Variants in RGS7 observed in about 807,000 individuals in gnomAD.
The protein encoded by RGS7 is regulator of G-protein signaling 7.
Under a neutral mutation model 81.1 loss-of-function variants are expected in RGS7, and 27 were observed. The ratio of observed to expected loss-of-function variants is 0.33; its 90% confidence interval spans 0.25 to 0.46. The LOEUF (loss-of-function observed/expected upper bound fraction) is 0.46, where lower values mean the gene tolerates loss of function less well. Ranked by LOEUF, RGS7 falls within the 20% of genes least tolerant of loss-of-function variation. The probability of loss-of-function intolerance (pLI) is 1.00; values close to 1 mark genes in which losing one functional copy is unlikely to be tolerated. For synonymous variants in RGS7, 208 were observed against 207.7 expected, an observed-to-expected ratio of 1.00 and a Z score of -0.01; for missense variants, 396 against 607.4, an observed-to-expected ratio of 0.65 and a Z score of 3.66.
intron 2 of RGS7, among the ~76,000 whole-genome samples, chr1:241,344,851 G>A (rs937384099): frequency 6.6e-6 from 1 of 152,218 alleles, no homozygotes; most frequent in Non-Finnish European, 1.5e-5. Flanking sequence ...AAGTGTCAGA[G>A]GCTGTTAAAC....
intron 3 of RGS7, among the ~76,000 whole-genome samples, chr1:241,008,546 C>T (rs1452339815): frequency 2.0e-5 from 3 of 152,116 alleles, no homozygotes; most frequent in Non-Finnish European, 4.4e-5. Context: ...CTCAATGGGG[C>T]TTCTGTGTTT....
chr1:240,813,802 A>T (rs111909717), intron 12 of RGS7, 74 bp from the exon 13 acceptor site: 2 of 935,142 alleles, frequency 2.1e-6, no homozygotes, highest in East Asian at 5.1e-5. Context: ...CAGGGAAAAC[A>T]ATATAAAAAT....
At chr1:241,225,282 A>G (rs1573224116) in intron 2 of RGS7, among the ~76,000 whole-genome samples, 2 of 152,178 alleles carry the variant, frequency 1.3e-5, no homozygotes, top group African/African-American at 2.4e-5. Flanking sequence ...ATATCTCTGT[A>G]ATGAAAGGAA....
chr1:241,334,925 T>C (rs138694912), intron 2 of RGS7, among the ~76,000 whole-genome samples: 21 of 152,302 alleles, frequency 1.4e-4, no homozygotes, highest in African/African-American at 5.1e-4. Flanking sequence ...TCATTAACAA[T>C]CAGCAGGCAA....
intron 3 of RGS7, among the ~76,000 whole-genome samples, chr1:240,984,481 G>A (rs187880895): frequency 1.3e-3 from 194 of 152,260 alleles, no homozygotes; most frequent in Admixed American, 2.4e-3. Context: ...TTTCTAGCCC[G>A]GAAGCATAGA....
At chr1:240,950,537 G>A (rs1023058939) in intron 4 of RGS7, among the ~76,000 whole-genome samples, 8 of 152,138 alleles carry the variant, frequency 5.3e-5, no homozygotes, top group African/African-American at 1.9e-4. Flanking sequence ...GATAGTGGTG[G>A]GAGACAGGGG....
At chr1:240,789,309 C>T (rs368433784) in intron 18 of RGS7, among the ~76,000 whole-genome samples, 24 of 152,156 alleles carry the variant, frequency 1.6e-4, no homozygotes, top group South Asian at 4.1e-4. Flanking sequence ...GTGATGATTG[C>T]GTTAACTGTA....
At chr1:240,898,414 T>G (rs1669445395) in intron 6 of RGS7, among the ~76,000 whole-genome samples, 1 of 152,158 alleles carries the variant, frequency 6.6e-6, no homozygotes, top group African/African-American at 2.4e-5. Flanking sequence ...TCTCTTGTGG[T>G]CATTTAGTGG....
At chr1:240,862,052 G>T (rs549371719) in intron 9 of RGS7, among the ~76,000 whole-genome samples, 1 of 152,164 alleles carries the variant, frequency 6.6e-6, no homozygotes, top group South Asian at 2.1e-4. Context: ...CTACAATTTG[G>T]TGTATTTCTC....
intron 2 of RGS7, among the ~76,000 whole-genome samples, chr1:241,343,853 T>C (rs1340776951): frequency 6.6e-6 from 1 of 152,058 alleles, no homozygotes; most frequent in Non-Finnish European, 1.5e-5. Context: ...GTACATTTTA[T>C]GATATATATT....
intron 2 of RGS7, among the ~76,000 whole-genome samples, chr1:241,177,604 A>C (rs1263432806): frequency 1.3e-5 from 2 of 152,228 alleles, no homozygotes; most frequent in African/African-American, 4.8e-5. Context: ...ATAGCACAGA[A>C]GCAAATGTGG....
intron 4 of RGS7, among the ~76,000 whole-genome samples, chr1:240,975,307 C>A (rs941164933): frequency 6.6e-6 from 1 of 152,106 alleles, no homozygotes; most frequent in African/African-American, 2.4e-5. Context: ...GAGGCTGAGG[C>A]AGGAGAATAG....
At chr1:241,291,228 C>T (rs372152059) in intron 2 of RGS7, among the ~76,000 whole-genome samples, 43 of 152,282 alleles carry the variant, frequency 2.8e-4, no homozygotes, top group East Asian at 1.2e-3. Context: ...CTGAGGACAT[C>T]AGGATCAACT....
chr1:241,218,498 T>C (rs536510137), intron 2 of RGS7, among the ~76,000 whole-genome samples: 2 of 152,314 alleles, frequency 1.3e-5, no homozygotes, highest in African/African-American at 4.8e-5. Context: ...GATATCGGGT[T>C]CACTCGGAGA....
chr1:240,916,237 A>G (rs1388184687), intron 6 of RGS7, among the ~76,000 whole-genome samples: 1 of 149,694 alleles, frequency 6.7e-6, no homozygotes, highest in East Asian at 2.0e-4. Flanking sequence ...AGATCATGCC[A>G]TTGCACTTCA....
At chr1:241,281,042 T>C (rs1046290557) in intron 2 of RGS7, among the ~76,000 whole-genome samples, 3 of 151,976 alleles carry the variant, frequency 2.0e-5, no homozygotes, top group Non-Finnish European at 4.4e-5. Flanking sequence ...CCACATAGTC[T>C]AGAAATATAA....
intron 10 of RGS7, among the ~76,000 whole-genome samples, chr1:240,821,765 T>C (rs1691853070): frequency 6.6e-6 from 1 of 152,228 alleles, no homozygotes; most frequent in Admixed American, 6.5e-5. Flanking sequence ...TTAACTGTAA[T>C]ATTTAGTGCC....
chr1:241,268,316 T>A (rs912623265), intron 2 of RGS7, among the ~76,000 whole-genome samples: 1 of 152,196 alleles, frequency 6.6e-6, no homozygotes, highest in Admixed American at 6.5e-5. Flanking sequence ...GAACAGGGTT[T>A]CTCAACCTCG....
intron 2 of RGS7, among the ~76,000 whole-genome samples, chr1:241,213,058 T>C (rs1048390287): frequency 6.6e-6 from 1 of 152,190 alleles, no homozygotes; most frequent in Non-Finnish European, 1.5e-5. Flanking sequence ...GAGAATAACC[T>C]TCAGACAAAC....
Sources: allele counts gnomAD v4.1 joint callset (sites outside exome capture counted in the v4.1 genomes callset), GRCh38; gene constraint gnomAD v4.1.1; transcripts MANE v1.5; gene names NCBI Gene and HGNC (gene_info 2026-07-23, HGNC 2026-07-21).